DNAJC1: variants seen among roughly 807,000 people sequenced by gnomAD.
DNAJC1 encodes the protein dnaJ homolog subfamily C member 1.
In DNAJC1, 58 loss-of-function variants were observed where a neutral mutation model predicts 76.6. The observed-to-expected ratio is 0.76, with a 90% CI of 0.61 to 0.94. The LOEUF (loss-of-function observed/expected upper bound fraction) is 0.94. Ranked by LOEUF, DNAJC1 falls within the 40% of genes least tolerant of loss-of-function variation. The pLI is 0.00. For missense variants in DNAJC1, 689 were observed against 677.3 expected (o/e 1.02, Z -0.19); for synonymous variants, 258 against 267.9 (o/e 0.96, Z 0.36).
At chr10:21,897,683 T>C (rs1442350713) in intron 7 of DNAJC1, among the ~76,000 whole-genome samples, 1 of 152,200 alleles carries the variant, frequency 6.6e-6, no homozygotes, top group African/African-American at 2.4e-5. Context: ...GGAAAAACTG[T>C]CTTCCACGAA....
chr10:21,837,404 G>T (rs941299692), intron 8 of DNAJC1, among the ~76,000 whole-genome samples: 1 of 150,606 alleles, frequency 6.6e-6, no homozygotes, highest in South Asian at 2.1e-4. Flanking sequence ...CCTCTGTCCG[G>T]CTGCCCAGTC....
intron 1 of DNAJC1, among the ~76,000 whole-genome samples, chr10:21,969,056 T>A (rs1332996168): frequency 1.3e-5 from 2 of 151,712 alleles, no homozygotes; most frequent in Non-Finnish European, 2.9e-5. Context: ...AAACCCCGTA[T>A]CTACTAAAAA....
chr10:21,967,008 CT>C (rs1167382168), intron 1 of DNAJC1, among the ~76,000 whole-genome samples: 2 of 84,892 alleles, frequency 2.4e-5, no homozygotes, highest in Non-Finnish European at 4.4e-5. Context: ...TTTTCTTCTT[CT>C]TCTTCTTTTT....
intron 8 of DNAJC1, among the ~76,000 whole-genome samples, chr10:21,880,150 GGGATT>G (rs907780540): frequency 6.6e-6 from 1 of 152,142 alleles, no homozygotes; most frequent in African/African-American, 2.4e-5. Context: ...GTTTGACCAT[GGGATT>G]GCAGCAATTC....
chr10:21,855,101 T>C (rs1317613514), intron 8 of DNAJC1, among the ~76,000 whole-genome samples: 2 of 152,202 alleles, frequency 1.3e-5, no homozygotes, highest in African/African-American at 4.8e-5. Flanking sequence ...TAAAAAGTTC[T>C]ACCTCTAATA....
intron 7 of DNAJC1, among the ~76,000 whole-genome samples, chr10:21,892,774 A>C (rs1836480126): frequency 6.6e-6 from 1 of 152,148 alleles, no homozygotes; most frequent in Non-Finnish European, 1.5e-5. Flanking sequence ...TAAAGCAAAA[A>C]CAAATTACCA....
chr10:21,810,234 A>G (rs1200847869), intron 8 of DNAJC1, among the ~76,000 whole-genome samples: 1 of 152,194 alleles, frequency 6.6e-6, no homozygotes, highest in Non-Finnish European at 1.5e-5. Flanking sequence ...AATTCACTGA[A>G]TTTATACAAT....
chr10:21,940,128 T>A (rs946974817), intron 1 of DNAJC1, among the ~76,000 whole-genome samples: 3 of 152,050 alleles, frequency 2.0e-5, no homozygotes, highest in African/African-American at 7.2e-5. Flanking sequence ...TAGGATTTTA[T>A]ACCAGATGCA....
At chr10:21,942,584 A>AC (rs1257108891) in intron 1 of DNAJC1, among the ~76,000 whole-genome samples, 2 of 152,106 alleles carry the variant, frequency 1.3e-5, no homozygotes, top group Non-Finnish European at 2.9e-5. Flanking sequence ...AGGCGGGCAG[A>AC]TCACGAGGTA....
chr10:21,920,697 T>C (rs1263811872), intron 4 of DNAJC1, 101 bp downstream of exon 4: 26 of 1,130,930 alleles, frequency 2.3e-5, no homozygotes, highest in East Asian at 5.0e-5. Context: ...ATGAGAAGTA[T>C]ACAGAGAGAA....
intron 1 of DNAJC1, among the ~76,000 whole-genome samples, chr10:21,931,681 T>C (rs1157129366): frequency 6.6e-6 from 1 of 152,234 alleles, no homozygotes; most frequent in Non-Finnish European, 1.5e-5. Context: ...AATGTGAATA[T>C]GTTCCATTGG....
At chr10:21,803,589 C>CTGTGTGTGTGTGTGTG (rs113615504) in intron 9 of DNAJC1, among the ~76,000 whole-genome samples, 1 of 140,654 alleles carries the variant, frequency 7.1e-6, no homozygotes, top group African/African-American at 2.6e-5. Flanking sequence ...GAGTGATTTT[C>CTGTGTGTGTGTGTGTG]TGTGTGTGTG....
At chr10:21,889,534 T>G (rs528789110) in intron 7 of DNAJC1, among the ~76,000 whole-genome samples, 1 of 152,324 alleles carries the variant, frequency 6.6e-6, no homozygotes, top group South Asian at 2.1e-4. Context: ...TCATATCTTA[T>G]AGTAACCATT....
At chr10:21,955,647 T>C (rs2131812040) in intron 1 of DNAJC1, among the ~76,000 whole-genome samples, 1 of 152,310 alleles carries the variant, frequency 6.6e-6, no homozygotes, top group South Asian at 2.1e-4. Context: ...CATATACTTT[T>C]CTTGTAATGA....
chr10:21,987,588 T>C (rs1294741028), intron 1 of DNAJC1, among the ~76,000 whole-genome samples: 1 of 152,168 alleles, frequency 6.6e-6, no homozygotes, highest in Non-Finnish European at 1.5e-5. Context: ...AGACAACAAA[T>C]CTACTTCATT....
intron 1 of DNAJC1, among the ~76,000 whole-genome samples, chr10:21,954,082 A>G (rs763038282): frequency 2.6e-5 from 4 of 152,134 alleles, no homozygotes; most frequent in Non-Finnish European, 5.9e-5. Flanking sequence ...TTAAACCTTT[A>G]GTTAAATTAT....
intron 8 of DNAJC1, among the ~76,000 whole-genome samples, chr10:21,831,288 G>T (rs1308883311): frequency 6.6e-6 from 1 of 152,094 alleles, no homozygotes; most frequent in Non-Finnish European, 1.5e-5. Context: ...GCAGGCTAGA[G>T]GCTCAGTTCC....
chr10:21,914,464 T>C (rs1306093801), intron 6 of DNAJC1, among the ~76,000 whole-genome samples: 1 of 152,230 alleles, frequency 6.6e-6, no homozygotes, highest in Non-Finnish European at 1.5e-5. Context: ...ACTTTATTTC[T>C]ACCATTCCTA....
intron 1 of DNAJC1, among the ~76,000 whole-genome samples, chr10:22,002,658 G>A (rs993946989): frequency 2.0e-5 from 3 of 152,088 alleles, no homozygotes; most frequent in Non-Finnish European, 4.4e-5. Flanking sequence ...AGATGACGAA[G>A]TACAAAGTAA....
Sources: gnomAD v4.1 joint callset for allele counts (sites outside exome capture counted in the v4.1 genomes callset) on GRCh38, gnomAD v4.1.1 for gene constraint, MANE v1.5 for transcripts, NCBI Gene and HGNC (gene_info 2026-07-23, HGNC 2026-07-21) for gene names.